NEGR1: variants seen among roughly 807,000 people sequenced by gnomAD.
The protein encoded by NEGR1 is IgLON family member 4.
NEGR1 carries 10 observed loss-of-function variants against 40.9 expected under a neutral mutation model. The observed-to-expected ratio is 0.24, with a 90% CI of 0.15 to 0.42. The LOEUF (loss-of-function observed/expected upper bound fraction) is 0.42. Ranked by LOEUF, NEGR1 falls within the 10% of genes least tolerant of loss-of-function variation. NEGR1 has a pLI of 1.00. For missense variants in NEGR1, 352 were observed against 438.9 expected, an observed-to-expected ratio of 0.80 and a Z score of 1.77; for synonymous variants, 185 against 166.8, an observed-to-expected ratio of 1.11 and a Z score of -0.84.
At chr1:72,255,766 G>T (rs1343231397) in intron 1 of NEGR1, among the ~76,000 whole-genome samples, 5 of 151,518 alleles carry the variant, frequency 3.3e-5, no homozygotes, top group Non-Finnish European at 5.9e-5. Flanking sequence ...GGCCAGGATG[G>T]TCTCTATCTC....
chr1:71,785,474 A>G (rs1656878715), intron 2 of NEGR1, among the ~76,000 whole-genome samples: 1 of 152,138 alleles, frequency 6.6e-6, no homozygotes. Flanking sequence ...ATTTGGCAGT[A>G]TATTTTAAGA....
intron 1 of NEGR1, among the ~76,000 whole-genome samples, chr1:72,220,233 A>C (rs542778775): frequency 5.3e-5 from 8 of 151,678 alleles, no homozygotes; most frequent in African/African-American, 1.9e-4. Flanking sequence ...TCCCTACTCT[A>C]CCCAGCTGAA....
chr1:71,533,976 A>C (rs946928266), intron 6 of NEGR1, among the ~76,000 whole-genome samples: 2 of 151,702 alleles, frequency 1.3e-5, no homozygotes, highest in Non-Finnish European at 3.0e-5. Context: ...TAATAAGGAA[A>C]TTCTATAATA....
intron 2 of NEGR1, among the ~76,000 whole-genome samples, chr1:71,848,272 C>T (rs911260665): frequency 6.6e-6 from 1 of 152,188 alleles, no homozygotes; most frequent in Non-Finnish European, 1.5e-5. Flanking sequence ...AACTAAATAA[C>T]ATCGTTGATG....
chr1:71,690,734 G>A (rs1206346312), intron 4 of NEGR1, among the ~76,000 whole-genome samples: 1 of 150,882 alleles, frequency 6.6e-6, no homozygotes, highest in East Asian at 2.0e-4. Context: ...TTGGCGTGGA[G>A]TCATTTTCAA....
chr1:71,675,936 G>A (rs1013702413), intron 4 of NEGR1, among the ~76,000 whole-genome samples: 2 of 151,876 alleles, frequency 1.3e-5, no homozygotes, highest in African/African-American at 4.8e-5. Flanking sequence ...CAAAGTGCTG[G>A]TATTATAGGT....
chr1:71,705,249 T>C (rs1271122063), intron 3 of NEGR1, among the ~76,000 whole-genome samples: 3 of 152,088 alleles, frequency 2.0e-5, no homozygotes, highest in African/African-American at 7.2e-5. Flanking sequence ...ATTAACTCAA[T>C]ATGCATCATT....
At chr1:71,491,679 C>A (rs1646928725) in intron 6 of NEGR1, among the ~76,000 whole-genome samples, 1 of 151,914 alleles carries the variant, frequency 6.6e-6, no homozygotes, top group Non-Finnish European at 1.5e-5. Flanking sequence ...GCCAGCCCGG[C>A]CTCTCCACAT....
intron 1 of NEGR1, among the ~76,000 whole-genome samples, chr1:71,961,863 C>T (rs1219300791): frequency 6.6e-6 from 1 of 152,048 alleles, no homozygotes; most frequent in Non-Finnish European, 1.5e-5. Context: ...TTTCCACTTA[C>T]TAGTTATATG....
At chr1:72,152,809 A>G (rs1258557389) in intron 1 of NEGR1, among the ~76,000 whole-genome samples, 2 of 152,136 alleles carry the variant, frequency 1.3e-5, no homozygotes, top group African/African-American at 2.4e-5. Context: ...TCATAAAAAA[A>G]GAATGAAATT....
chr1:72,157,665 C>A (rs1651407898), intron 1 of NEGR1, among the ~76,000 whole-genome samples: 1 of 152,112 alleles, frequency 6.6e-6, no homozygotes, highest in Non-Finnish European at 1.5e-5. Flanking sequence ...ATGAGTATAT[C>A]ATTTCCAAAT....
chr1:72,171,590 C>A (rs753607642), intron 1 of NEGR1, among the ~76,000 whole-genome samples: 4 of 152,070 alleles, frequency 2.6e-5, no homozygotes, highest in African/African-American at 4.8e-5. Context: ...GATTTCCTTC[C>A]AATGCTTTGT....
intron 3 of NEGR1, among the ~76,000 whole-genome samples, chr1:71,744,385 A>C (rs916776889): frequency 2.7e-5 from 4 of 148,738 alleles, no homozygotes; most frequent in Non-Finnish European, 5.9e-5. Flanking sequence ...TAAGCCAGGC[A>C]GGTTTAAAAA....
chr1:71,707,160 TAC>T (rs1653928987), intron 3 of NEGR1, among the ~76,000 whole-genome samples: 2 of 152,094 alleles, frequency 1.3e-5, no homozygotes, highest in Non-Finnish European at 2.9e-5. Flanking sequence ...TTTGGGTCCC[TAC>T]ACTGCCACAG....
intron 6 of NEGR1, among the ~76,000 whole-genome samples, chr1:71,498,379 C>T (rs562728691): frequency 1.3e-5 from 2 of 151,730 alleles, no homozygotes; most frequent in African/African-American, 2.4e-5. Flanking sequence ...ACAGAAAAGC[C>T]GGGTTTCCAA....
At chr1:72,102,378 A>T (rs1251969130) in intron 1 of NEGR1, among the ~76,000 whole-genome samples, 2 of 152,032 alleles carry the variant, frequency 1.3e-5, no homozygotes, top group African/African-American at 4.8e-5. Flanking sequence ...ATGCTACATT[A>T]AAAAAAGTGC....
Position 71,464,821 on chromosome 1 carries a change from G to C in NEGR1, c.941-57251C>G, listed in dbSNP as rs372823416. ...ACACGGTGAACTGCAGCGTCTTGGT[G>C]TTGAAGGAAGTCTACACAGTGGAGT... On this transcript the variant is annotated intron_variant, in intron 6 of 6. Transcript: ENST00000357731. Among the ~76,000 whole-genome samples, 27 of 152,216 alleles carry C rather than the reference G, an allele frequency of 1.8e-4. 1 individual carries two copies. The East Asian group carries it at 3.7e-3, about 21-fold the overall frequency.
intron 2 of NEGR1, among the ~76,000 whole-genome samples, chr1:71,867,698 T>A (rs891739346): frequency 6.6e-6 from 1 of 152,090 alleles, no homozygotes; most frequent in Non-Finnish European, 1.5e-5. Flanking sequence ...ATGTAAAAAA[T>A]CCAAAATATT....
chr1:71,857,501 A>C (rs1659814950), intron 2 of NEGR1, among the ~76,000 whole-genome samples: 1 of 149,758 alleles, frequency 6.7e-6, no homozygotes, highest in Non-Finnish European at 1.5e-5. Context: ...GGTGGCACAC[A>C]CCTATAGTCC....
Sources: allele counts gnomAD v4.1 joint callset (sites outside exome capture counted in the v4.1 genomes callset), GRCh38; gene constraint gnomAD v4.1.1; transcripts MANE v1.5; gene names NCBI Gene and HGNC (gene_info 2026-07-23, HGNC 2026-07-21).